Variants in PPM1E observed in about 807,000 individuals in gnomAD.
The protein encoded by PPM1E is protein phosphatase 1E.
Under a neutral mutation model 65.9 loss-of-function variants are expected in PPM1E, and 20 were observed. The ratio of observed to expected loss-of-function variants is 0.30; its 90% confidence interval spans 0.21 to 0.44. The LOEUF is 0.44. Ranked by LOEUF, PPM1E falls within the 20% of genes least tolerant of loss-of-function variation. PPM1E has a pLI of 1.00. For missense variants in PPM1E, 713 were observed against 953.1 expected, an observed-to-expected ratio of 0.75 and a Z score of 3.32; for synonymous variants, 352 against 374.9, an observed-to-expected ratio of 0.94 and a Z score of 0.70.
chr17:58,851,815 C>G (rs1312329539), intron 1 of PPM1E, among the ~76,000 whole-genome samples: 3 of 152,228 alleles, frequency 2.0e-5, no homozygotes, highest in Non-Finnish European at 4.4e-5. Flanking sequence ...AGCTGTCAGA[C>G]AGGGATGTTT....
intron 1 of PPM1E, among the ~76,000 whole-genome samples, chr17:58,862,353 T>G (rs1196973721): frequency 1.3e-5 from 2 of 152,088 alleles, no homozygotes; most frequent in Non-Finnish European, 2.9e-5. Context: ...TGTTGGAAAA[T>G]AGGTTAGATT....
Position 58,982,849 on chromosome 17 carries a change from T to G in PPM1E, c.*1818T>G. ...GCTTTGCCCCACACATGGTCCTCACTCATATCTGTCACCTTCTGAAGCCTA... is the reference window on the plus strand; with the variant it reads ...GCTTTGCCCCACACATGGTCCTCACGCATATCTGTCACCTTCTGAAGCCTA... On this transcript the variant is annotated 3_prime_UTR_variant, in exon 7 of 7. Coordinates refer to ENST00000308249, the MANE Select transcript of PPM1E (RefSeq NM_014906.5). 6.7e-7 allele frequency: 1 copy of G among 1,492,136 alleles called. No individual in the cohort carries two copies. Among genetic ancestry groups the G allele is most frequent in the African/African-American group, 1.4e-5 (1 of 72,196 alleles). The allele number at this position is 1,492,136 out of a possible 1,614,324, so 92.4% of individuals were successfully genotyped here. A position where few individuals can be genotyped will look rare whatever the true frequency, so the allele number is the denominator to read the frequency against.
chr17:58,813,821 A>G (rs1410457809), intron 1 of PPM1E, among the ~76,000 whole-genome samples: 2 of 152,198 alleles, frequency 1.3e-5, no homozygotes, highest in African/African-American at 4.8e-5. Context: ...AGAAGTAGAC[A>G]TATGTACTGG....
chr17:58,768,183 C>T (rs2049901792), intron 1 of PPM1E, among the ~76,000 whole-genome samples: 1 of 152,082 alleles, frequency 6.6e-6, no homozygotes, highest in South Asian at 2.1e-4. Context: ...AACTCCTGGC[C>T]TCAAGTGATC....
At chr17:58,780,703 G>A (rs980882633) in intron 1 of PPM1E, among the ~76,000 whole-genome samples, 19 of 152,110 alleles carry the variant, frequency 1.2e-4, no homozygotes, top group African/African-American at 4.6e-4. Flanking sequence ...AACTTTACAA[G>A]AGAATCTTTT....
chr17:58,757,394 TA>T lies in PPM1E; in HGVS notation c.464+934del, dbSNP rs1189644153. ...AGTTCTGGTTTTTATAGGCCTGAAATAGAAACGGTTTACAATTGCGTTTCTC... is the reference window on the plus strand; with the variant it reads ...AGTTCTGGTTTTTATAGGCCTGAAATGAAACGGTTTACAATTGCGTTTCTC... On this transcript the variant is annotated intron_variant, in intron 1 of 6. Coordinates refer to ENST00000308249, the MANE Select transcript of PPM1E (RefSeq NM_014906.5). Among the ~76,000 whole-genome samples the T allele has an allele frequency of 6.6e-5, 10 of 152,268 alleles. No individual in the cohort carries two copies. The South Asian group carries it at 1.7e-3, about 25-fold the overall frequency.
At chr17:58,954,529 A>G (rs553302548) in intron 1 of PPM1E, among the ~76,000 whole-genome samples, 1 of 152,218 alleles carries the variant, frequency 6.6e-6, no homozygotes, top group Admixed American at 6.5e-5. Flanking sequence ...CTCACCCACT[A>G]TGATTCACTT....
chr17:58,866,017 C>G (rs1022513941), intron 1 of PPM1E, among the ~76,000 whole-genome samples: 1 of 152,134 alleles, frequency 6.6e-6, no homozygotes, highest in Non-Finnish European at 1.5e-5. Flanking sequence ...AGTGTCTTCC[C>G]CATCATATTT....
intron 1 of PPM1E, among the ~76,000 whole-genome samples, chr17:58,833,574 G>A (rs1468868780): frequency 6.6e-6 from 1 of 151,666 alleles, no homozygotes; most frequent in African/African-American, 2.4e-5. Flanking sequence ...CTTTTTTTAT[G>A]GCTGGATAGT....
intron 1 of PPM1E, among the ~76,000 whole-genome samples, chr17:58,822,851 T>C (rs2050494448): frequency 6.6e-6 from 1 of 152,234 alleles, no homozygotes; most frequent in Non-Finnish European, 1.5e-5. Context: ...GTACTTGCTG[T>C]TGGAGAGAGA....
At chr17:58,827,218 A>G (rs540873525) in intron 1 of PPM1E, among the ~76,000 whole-genome samples, 1 of 149,004 alleles carries the variant, frequency 6.7e-6, no homozygotes, top group Non-Finnish European at 1.5e-5. Context: ...GTTTACTGCA[A>G]TCTCCGCCTC....
intron 1 of PPM1E, among the ~76,000 whole-genome samples, chr17:58,856,179 T>C (rs1472889470): frequency 6.6e-6 from 1 of 152,196 alleles, no homozygotes; most frequent in Non-Finnish European, 1.5e-5. Context: ...TGCTAATAAT[T>C]CTCTGGAAAA....
intron 1 of PPM1E, among the ~76,000 whole-genome samples, chr17:58,768,956 A>C (rs1299242722): frequency 1.3e-5 from 2 of 152,222 alleles, no homozygotes; most frequent in African/African-American, 4.8e-5. Context: ...GGTGTGAGCC[A>C]ATGCGCCTGG....
At chr17:58,831,839 T>C (rs1395138076) in intron 1 of PPM1E, among the ~76,000 whole-genome samples, 7 of 152,358 alleles carry the variant, frequency 4.6e-5, no homozygotes, top group South Asian at 4.1e-4. Context: ...CATGTCTTTC[T>C]GTTATTTTAA....
chr17:58,978,689 C>T lies in PPM1E; in HGVS notation c.1211-1285C>T, dbSNP rs191993670. ...TTGTGCCACTGCACTCCAGCCTGGG[C>T]GACAAAAAATAAAAATAAAAATAAA... On this transcript the variant is annotated intron_variant, in intron 6 of 6. Coordinates refer to ENST00000308249, the MANE Select transcript of PPM1E (RefSeq NM_014906.5). Among the ~76,000 whole-genome samples the T allele has an allele frequency of 4.6e-3, 703 of 151,780 alleles. 3 individuals carry two copies. Among genetic ancestry groups the T allele is most frequent in the African/African-American group, 0.016 (650 of 41,376 alleles).
intron 1 of PPM1E, among the ~76,000 whole-genome samples, chr17:58,805,654 A>G (rs1026546567): frequency 6.6e-6 from 1 of 152,020 alleles, no homozygotes; most frequent in Admixed American, 6.6e-5. Context: ...TTTTTTCCAG[A>G]TATTTCATAA....
At chr17:58,943,626 G>C (rs1175822244) in intron 1 of PPM1E, among the ~76,000 whole-genome samples, 2 of 151,956 alleles carry the variant, frequency 1.3e-5, no homozygotes, top group African/African-American at 2.4e-5. Context: ...TCAAAATGTG[G>C]TTCCCAGACC....
intron 1 of PPM1E, among the ~76,000 whole-genome samples, chr17:58,874,776 T>G (rs1017243794): frequency 1.3e-5 from 2 of 152,310 alleles, no homozygotes; most frequent in African/African-American, 4.8e-5. Context: ...CACTGGAAAC[T>G]CCTCACATTG....
chr17:58,877,784 T>A (rs1031977213), intron 1 of PPM1E, among the ~76,000 whole-genome samples: 75 of 152,284 alleles, frequency 4.9e-4, no homozygotes, highest in African/African-American at 1.8e-3. Context: ...TATTTCTAAT[T>A]TTTTGTCTAA....
Sources: allele counts gnomAD v4.1 joint callset (sites outside exome capture counted in the v4.1 genomes callset), GRCh38; gene constraint gnomAD v4.1.1; transcripts MANE v1.5; gene names NCBI Gene and HGNC (gene_info 2026-07-23, HGNC 2026-07-21).